Variants in SUPT16H observed in about 807,000 individuals in gnomAD.
SUPT16H encodes SPT16 homolog, facilitates chromatin remodeling subunit.
In SUPT16H, 24 loss-of-function variants were observed where a neutral mutation model predicts 136.2. The observed-to-expected ratio is 0.18, with a 90% CI of 0.13 to 0.25. The LOEUF (loss-of-function observed/expected upper bound fraction) is 0.25, where lower values mean the gene tolerates loss of function less well. Among genes scored for constraint, SUPT16H ranks in the 10% least tolerant of loss-of-function variants. The pLI is 1.00. For missense variants in SUPT16H, 623 were observed against 1,270.2 expected, an observed-to-expected ratio of 0.49 and a Z score of 7.74; for synonymous variants, 415 against 428.2, an observed-to-expected ratio of 0.97 and a Z score of 0.38.
intron 5 of SUPT16H, 93 bp downstream of exon 5, chr14:21,369,657 C>A: frequency 6.6e-7 from 1 of 1,503,918 alleles, no homozygotes; most frequent in Non-Finnish European, 9.1e-7. Flanking sequence ...GTCTTAATTT[C>A]AAAGGAAGCT....
At chr14:21,377,559 T>C (rs1407006116) in intron 1 of SUPT16H, among the ~76,000 whole-genome samples, 3 of 151,986 alleles carry the variant, frequency 2.0e-5, no homozygotes, top group Non-Finnish European at 4.4e-5. Flanking sequence ...GCTGAAGACA[T>C]TTATATTCTA....
chr14:21,363,334 G>T lies in SUPT16H; in HGVS notation c.1300-6C>A. 3 of 1,602,656 alleles carry T rather than the reference G, an allele frequency of 1.9e-6. No homozygotes were observed. The highest frequency in any genetic ancestry group is 2.6e-6 in the Non-Finnish European group (3 of 1,173,338). On this transcript the variant is annotated splice_region_variant and splice_polypyrimidine_tract_variant and intron_variant, in intron 11 of 25. Coordinates refer to ENST00000216297, the MANE Select transcript of SUPT16H (RefSeq NM_007192.4). The stretch of plus-strand genomic sequence containing the variant: ...TCTTCTTCCTCATCTTCATTCTATG[G>T]AAAAAGTCATAATCAAAAAATGAAA...
chr14:21,371,512 C>CAAAA (rs1566391506), intron 3 of SUPT16H, among the ~76,000 whole-genome samples: 1 of 151,538 alleles, frequency 6.6e-6, no homozygotes, highest in Non-Finnish European at 1.5e-5. Flanking sequence ...GGCAGTATGA[C>CAAAA]AAAAAAAATT....
chr14:21,359,670 A>G, intron 18 of SUPT16H, 61 bp from the exon 19 acceptor site: 2 of 1,576,220 alleles, frequency 1.3e-6, no homozygotes, highest in Non-Finnish European at 1.7e-6. Flanking sequence ...TGTGATGGAA[A>G]TGGCAGTGAT....
At position 21,372,024 on chromosome 14, in the gene SUPT16H, T is replaced by C. The variant is rs1303428530; in HGVS notation, c.180A>G (p.Glu60=). The C allele has an allele frequency of 2.5e-6, 4 of 1,613,142 alleles. No individual in the cohort carries two copies. The highest frequency in any genetic ancestry group is 8.5e-7 in the Non-Finnish European group (1 of 1,179,778). The part of the protein sequence containing the change: ...TALQTWLFGY[E]LTDTIMVFCD... ...AAAAGACCATGATAGTATCAGTTAG[T>C]TCATAACCAAAGAGCCATGTCTATG... Residue 60 remains glutamate (E), a synonymous_variant, in exon 3 of 26, where the codon GAA becomes GAG. Transcript: ENST00000216297.
rs1190384424 is a variant in SUPT16H at position 21,362,894 on chromosome 14, G to A, written c.1565C>T (p.Pro522Leu). Residue 522 changes from proline to leucine, a missense_variant, in exon 14 of 26, where the codon CCA (proline) becomes CTA (leucine). This residue lies in a region of SUPT16H where 62 missense variants were observed against 200.5 expected (regional missense o/e 0.31). Transcript: ENST00000216297. ...YKNPSLMPKE[P>L]HIREMKIYID... ...GTAGATCTTCATTTCCCGAATATGT[G>A]GTTCCTTAGGCATCAGAGATGGGTT... is the stretch of plus-strand genomic sequence containing the variant. The A allele has an allele frequency of 9.9e-6, 16 of 1,613,552 alleles. No homozygotes were observed. The highest frequency in any genetic ancestry group is 3.3e-5 in the Admixed American group (2 of 59,954).
intron 14 of SUPT16H, 116 bp downstream of exon 14, chr14:21,362,678 C>CA (rs1886582068): frequency 1.0e-5 from 12 of 1,205,446 alleles, no homozygotes; most frequent in Middle Eastern, 2.9e-4. Context: ...AGTAACTGAA[C>CA]AGAGTCTGAA....
At chr14:21,382,671 A>G (rs1316659286) in intron 1 of SUPT16H, among the ~76,000 whole-genome samples, 1 of 47,538 alleles carries the variant, frequency 2.1e-5, no homozygotes, top group African/African-American at 4.1e-5. Context: ...TGTTTGAATA[A>G]TATGACACTG....
intron 10 of SUPT16H, among the ~76,000 whole-genome samples, 162 bp downstream of exon 10, chr14:21,364,665 A>C (rs1204523138): frequency 6.6e-6 from 1 of 152,138 alleles, no homozygotes; most frequent in East Asian, 1.9e-4. Flanking sequence ...CATTCCCTAT[A>C]CCTGGGCTAC....
intron 5 of SUPT16H, 138 bp downstream of exon 5, chr14:21,369,612 G>T: frequency 8.6e-7 from 1 of 1,166,330 alleles, no homozygotes; most frequent in East Asian, 2.4e-5. Flanking sequence ...TATTTTGAAA[G>T]GGAGATGATG....
At chr14:21,380,414 A>G (rs554803273) in intron 1 of SUPT16H, among the ~76,000 whole-genome samples, 54 of 150,818 alleles carry the variant, frequency 3.6e-4, no homozygotes, top group Non-Finnish European at 7.4e-4. Context: ...GGGATTATAC[A>G]GGCATAAGCT....
chr14:21,377,076 G>GAAAAAAAAAAAAAAAAAAAAA (rs11323425), intron 1 of SUPT16H, among the ~76,000 whole-genome samples: 1 of 110,790 alleles, frequency 9.0e-6, no homozygotes, highest in Non-Finnish European at 1.8e-5. Flanking sequence ...GAAAGAAAAA[G>GAAAAAAAAAAAAAAAAAAAAA]AAAAAAAAAA....
At chr14:21,379,881 AAAACAAACAAACAAAC>A (rs141049084) in intron 1 of SUPT16H, among the ~76,000 whole-genome samples, 1 of 149,426 alleles carries the variant, frequency 6.7e-6, no homozygotes, top group African/African-American at 2.5e-5. Flanking sequence ...TGAAACTCAA[AAAACAAACAAACAAAC>A]AAACAAACAA....
chr14:21,354,325 TTA>T, intron 23 of SUPT16H, 84 bp downstream of exon 23: 1 of 1,540,110 alleles, frequency 6.5e-7, no homozygotes, highest in Non-Finnish European at 8.8e-7. Context: ...GCCTAGTCCC[TTA>T]TGTACTACTC....
In SUPT16H at chr14:21,360,980, A is replaced by G; in HGVS notation, c.1930-8T>C. 6.2e-7 allele frequency: 1 copy of G among 1,612,140 alleles called. No homozygotes were observed. Among genetic ancestry groups the G allele is most frequent in the Non-Finnish European group, 8.5e-7 (1 of 1,179,134 alleles). On this transcript the variant is annotated splice_region_variant and splice_polypyrimidine_tract_variant and intron_variant, in intron 16 of 25. Coordinates refer to ENST00000216297, the MANE Select transcript of SUPT16H (RefSeq NM_007192.4). ...GTCTTGTTTTACAATCCCCTAAGCA[A>G]GAAGAAAATTAATGTGAATTGTCAC...
chr14:21,362,732 C>T (rs1886583159), intron 14 of SUPT16H, 62 bp downstream of exon 14: 2 of 1,525,984 alleles, frequency 1.3e-6, no homozygotes, highest in Admixed American at 4.0e-5. Flanking sequence ...TTATTTATGG[C>T]AAATACAATT....
chr14:21,363,556 T>G (rs1039449075), intron 10 of SUPT16H, 53 bp from the exon 11 acceptor site: 5 of 1,520,670 alleles, frequency 3.3e-6, no homozygotes, highest in East Asian at 2.3e-5. Context: ...CAATTTCATT[T>G]TCTAACCTAG....
intron 10 of SUPT16H, among the ~76,000 whole-genome samples, chr14:21,364,128 A>G (rs1304348216): frequency 6.6e-6 from 1 of 152,244 alleles, no homozygotes; most frequent in African/African-American, 2.4e-5. Context: ...AGGTAATAAG[A>G]GTATCTACTT....
intron 22 of SUPT16H, among the ~76,000 whole-genome samples, chr14:21,356,278 C>T (rs1886432220): frequency 6.6e-6 from 1 of 152,192 alleles, no homozygotes; most frequent in African/African-American, 2.4e-5. Flanking sequence ...CATAAAGAAG[C>T]ACTGGAAAGC....
Sources: allele counts gnomAD v4.1 joint callset (sites outside exome capture counted in the v4.1 genomes callset), GRCh38; gene constraint gnomAD v4.1.1; regional missense constraint gnomAD v4.1.1; transcripts MANE v1.5; gene names NCBI Gene and HGNC (gene_info 2026-07-23, HGNC 2026-07-21).